MUC17: variants seen among roughly 807,000 people sequenced by gnomAD.
MUC17 encodes the protein mucin 17, cell surface associated.
Under a neutral mutation model 170.3 loss-of-function variants are expected in MUC17, and 190 were observed. That is an observed-to-expected ratio of 1.12 (90% CI 0.99 to 1.26). MUC17 has a LOEUF of 1.26. Ranked by LOEUF, MUC17 falls within the 50% of genes most tolerant of loss-of-function variation. MUC17 has a pLI of 0.00. For synonymous variants in MUC17, 2,325 were observed against 2,002.5 expected (o/e 1.16, Z -4.30); for missense variants, 6,415 against 5,530.0 (o/e 1.16, Z -5.08).
chr7:101,050,597 T>C lies in MUC17; in HGVS notation c.12836T>C (p.Val4279Ala). The change falls in exon 7 of 13, where the codon GTG becomes GCG. Residue 4279 changes from valine to alanine, a missense_variant. Transcript: ENST00000306151. ...GTAGTGAAAGAGAAAATCACAAAAGTGACCACACAGCAAATAATGATTAAT... is the reference window on the plus strand; with the variant it reads ...GTAGTGAAAGAGAAAATCACAAAAGCGACCACACAGCAAATAATGATTAAT... ...TEVVKEKITK[V>A]TTQQIMINDI... 6.2e-7 allele frequency: 1 copy of C among 1,614,090 alleles called. No individual in the cohort carries two copies. The highest frequency in any genetic ancestry group is 2.2e-5 in the East Asian group (1 of 44,878).
In MUC17 at chr7:101,051,812, G is replaced by C; in HGVS notation, c.12953G>C (p.Arg4318Pro). The change falls in exon 9 of 13, where the codon CGG becomes CCG. Residue 4318 changes from arginine to proline, a missense_variant. Physicochemically the swap from Arg to Pro is moderately radical, Grantham distance 103 (BLOSUM62 -2). Coordinates refer to ENST00000306151, the MANE Select transcript of MUC17 (RefSeq NM_001040105.2). ...CTGCACCCCCCACCAGAGGACTGCCGGAAGATGGCCAAGGAATATGGAGAC... is the reference window on the plus strand; with the variant it reads ...CTGCACCCCCCACCAGAGGACTGCCCGAAGATGGCCAAGGAATATGGAGAC... ...VTQYDPEEDC[R>P]KMAKEYGDYF... The C allele has an allele frequency of 6.2e-7, 1 of 1,613,450 alleles. No homozygotes were observed. Among genetic ancestry groups the C allele is most frequent in the Non-Finnish European group, 8.5e-7 (1 of 1,179,494 alleles).
rs774164429 is a variant in MUC17, at chr7:101,036,190, A to C, written c.4774A>C (p.Thr1592Pro). ...GCTGGTGGTCAGTTCTGAGGCTAAC[A>C]CCCTTTCAACAACCCCTATTGACTC... is the stretch of plus-strand genomic sequence containing the variant. ...TMLVVSSEAN[T>P]LSTTPIDSKT... Residue 1592 changes from threonine to proline, a missense_variant, in exon 3 of 13, where the codon ACC (threonine) becomes CCC (proline). Transcript: ENST00000306151. The C allele has an allele frequency of 1.2e-6, 2 of 1,613,782 alleles. No individual in the cohort carries two copies. Among genetic ancestry groups the C allele is most frequent in the Non-Finnish European group, 1.7e-6 (2 of 1,179,972 alleles).
At position 101,040,502 on chromosome 7, in the gene MUC17, CA is replaced by C. The variant is rs1419629517; in HGVS notation, c.9088del (p.Thr3030LeufsTer19). On this transcript the variant is annotated frameshift_variant, in exon 3 of 13. Transcript: ENST00000306151. LOFTEE classifies it high-confidence loss of function. ...TCTACTGAAGCCAGTTCCTCTCCTA[CA>C]ACTGCTGAAGGTACCGGCATACCAA... ...TTSTEASSSP[T>X]TAEGTGIPIS... 6.2e-7 allele frequency: 1 copy of C among 1,612,104 alleles called. No individual in the cohort carries two copies. Among genetic ancestry groups the C allele is most frequent in the East Asian group, 2.2e-5 (1 of 44,788 alleles).
Position 101,043,188 on chromosome 7 carries a change from A to G in MUC17, c.11772A>G (p.Ile3924Met). 3 of 1,614,050 alleles carry G rather than the reference A, an allele frequency of 1.9e-6. No individual in the cohort carries two copies. Among genetic ancestry groups the G allele is most frequent in the Non-Finnish European group, 2.5e-6 (3 of 1,179,988 alleles). ...STPTIPVATTISVSVITEGST... is the reference protein window; with the variant it reads ...STPTIPVATTMSVSVITEGST... ...CCACAATTCCTGTAGCCACCACCAT[A>G]TCTGTATCAGTGATCACAGAAGGAA... Residue 3924 changes from isoleucine to methionine, a missense_variant, in exon 3 of 13, where the codon ATA becomes ATG. Coordinates refer to ENST00000306151, the MANE Select transcript of MUC17 (RefSeq NM_001040105.2).
rs1336671086 is a variant in MUC17 at position 101,038,090 on chromosome 7, T to TG, written c.6675dup (p.Pro2226AlafsTer11). The stretch of plus-strand genomic sequence containing the variant: ...GAAGGAAGCACTCCATTCACAAGTA[T>TG]GCCTGTCAGCACCATGCCGGTAGTT... On this transcript the variant is annotated frameshift_variant, in exon 3 of 13. Transcript: ENST00000306151. LOFTEE classifies it high-confidence loss of function. 1 of 1,406,274 alleles carries TG rather than the reference T, an allele frequency of 7.1e-7. No homozygotes were observed. Among genetic ancestry groups the TG allele is most frequent in the Non-Finnish European group, 9.5e-7 (1 of 1,050,334 alleles). 87.1% of individuals were successfully genotyped at this position (1,406,274 alleles called of 1,614,324 possible).
At chr7:101,056,172 G>A in intron 11 of MUC17, 22 bp from the exon 12 acceptor site, 7 of 1,613,414 alleles carry the variant, frequency 4.3e-6, no homozygotes, top group Non-Finnish European at 5.9e-6. Context: ...TGTTTCCATG[G>A]TGCTTTCCAT....
rs547854685 is a variant in MUC17 at position 101,040,201 on chromosome 7, C to T, written c.8785C>T (p.Pro2929Ser). 15 of 1,612,480 alleles carry T rather than the reference C, an allele frequency of 9.3e-6. No individual in the cohort carries two copies. The highest frequency in any genetic ancestry group is 3.4e-5 in the Admixed American group (2 of 59,658). The change falls in exon 3 of 13, where the codon CCA (proline) becomes TCA (serine). Residue 2929 changes from proline (P) to serine (S), a missense_variant. By Grantham distance (74) the Pro-to-Ser change is moderately conservative. Transcript: ENST00000306151. ...PISTPSEVST[P>S]LTSILVSTVP... ...CTCAACTCCTAGTGAAGTAAGTACT[C>T]CATTAACAAGTATACTTGTCAGCAC...
rs142295738 is a variant in MUC17, at chr7:101,053,119, G to A, written c.13237G>A (p.Val4413Ile). 36 of 1,613,822 alleles carry A rather than the reference G, an allele frequency of 2.2e-5. No individual in the cohort carries two copies. In the African/African-American group the frequency reaches 3.1e-4, roughly 14 times the overall value. The change falls in exon 10 of 13, where the codon GTT becomes ATT. Residue 4413 changes from valine (V) to isoleucine (I), a missense_variant. Transcript: ENST00000306151. ...CATCCTGGTAGCTCTCCTGATGCTC[G>A]TTTTCCGCTCCAAGAGAGAGGTGAA... ...LIILVALLML[V>I]FRSKREVKRQ...
At chr7:101,055,480 C>A (rs1357063313) in intron 11 of MUC17, among the ~76,000 whole-genome samples, 5 of 152,126 alleles carry the variant, frequency 3.3e-5, no homozygotes. Context: ...CTGTTAGACA[C>A]AAGTTTAATT....
At position 101,043,831 on chromosome 7, in the gene MUC17, C is replaced by A. The variant is rs752710063; in HGVS notation, c.12403+12C>A. 3 of 1,572,908 alleles carry A rather than the reference C, an allele frequency of 1.9e-6. No individual in the cohort carries two copies. Among genetic ancestry groups the A allele is most frequent in the Admixed American group, 3.8e-5 (2 of 52,124 alleles). On this transcript the variant is annotated intron_variant, in intron 3 of 12. Coordinates refer to ENST00000306151, the MANE Select transcript of MUC17 (RefSeq NM_001040105.2). ...AAGAACCACAACATGTAAGTGATTT[C>A]TTGAATTTTCCTTTTTTTTAAAATT...
intron 1 of MUC17, among the ~76,000 whole-genome samples, chr7:101,024,934 A>G (rs1034220906): frequency 6.6e-6 from 1 of 150,838 alleles, no homozygotes; most frequent in African/African-American, 2.4e-5. Context: ...AGGCTGGCAC[A>G]CTCTGTCTTA....
chr7:101,057,923 T>C, intron 12 of MUC17, 80 bp from the exon 13 acceptor site: 1 of 1,217,680 alleles, frequency 8.2e-7, no homozygotes, highest in Non-Finnish European at 1.2e-6. Context: ...GAACACTTCC[T>C]ATCCCAATCC....
At chr7:101,020,954 G>A (rs1205282441) in intron 1 of MUC17, among the ~76,000 whole-genome samples, 7 of 152,238 alleles carry the variant, frequency 4.6e-5, no homozygotes, top group East Asian at 3.9e-4. Flanking sequence ...AGAGAAGGGC[G>A]CAGGGGAACC....
chr7:101,033,853 G>T lies in MUC17; in HGVS notation c.2437G>T (p.Val813Phe), dbSNP rs1464519686. 6 of 1,613,400 alleles carry T rather than the reference G, an allele frequency of 3.7e-6. No homozygotes were observed. The highest frequency in any genetic ancestry group is 5.1e-6 in the Non-Finnish European group (6 of 1,179,894). Residue 813 changes from valine (V) to phenylalanine (F), a missense_variant, in exon 3 of 13, where the codon GTC becomes TTC. By Grantham distance (50) the Val-to-Phe change is conservative. Coordinates refer to ENST00000306151, the MANE Select transcript of MUC17 (RefSeq NM_001040105.2). ...EGSPLLTSIP[V>F]SITPVTSPEA... is the part of the protein sequence containing the mutation. ...AAGTCCTTTATTAACAAGTATACCT[G>T]TCAGCATCACACCGGTGACCAGTCC... is the stretch of plus-strand genomic sequence containing the variant.
At position 101,041,592 on chromosome 7, in the gene MUC17, A is replaced by G; in HGVS notation, c.10176A>G (p.Ser3392=). The part of the protein sequence containing the change: ...TTAEGTSIPT[S]SPSEGTTPLA... ...CTGAAGGTACCAGCATACCAACCTC[A>G]AGTCCTAGTGAAGGAACCACTCCAT... The change falls in exon 3 of 13, where the codon TCA becomes TCG. Residue 3392 remains serine (S), a synonymous_variant. Transcript: ENST00000306151. The G allele has an allele frequency of 6.2e-7, 1 of 1,611,904 alleles. No individual in the cohort carries two copies.
chr7:101,020,251 C>T (rs1248884137), intron 1 of MUC17, 34 bp downstream of exon 1: 5 of 1,568,858 alleles, frequency 3.2e-6, no homozygotes, highest in African/African-American at 2.7e-5. Flanking sequence ...GCCCAAGAGG[C>T]CCCCATCCCA....
In MUC17 at chr7:101,035,406, A is replaced by T. The variant is rs760848150; in HGVS notation, c.3990A>T (p.Ser1330=). ...TPAEGTSMPT[S]TYSEGRTPLT... ...CTGAAGGTACCAGCATGCCAACCTC[A>T]ACTTATAGTGAAGGAAGAACTCCTT... is the stretch of plus-strand genomic sequence containing the variant. Residue 1330 remains serine (S), a synonymous_variant, in exon 3 of 13, where the codon TCA becomes TCT. Coordinates refer to ENST00000306151, the MANE Select transcript of MUC17 (RefSeq NM_001040105.2). 1.9e-6 allele frequency: 3 copies of T among 1,606,856 alleles called. No individual in the cohort carries two copies. Among genetic ancestry groups the T allele is most frequent in the Non-Finnish European group, 2.6e-6 (3 of 1,175,362 alleles).
intron 6 of MUC17, 147 bp downstream of exon 6, chr7:101,049,529 A>G: frequency 8.7e-7 from 1 of 1,142,922 alleles, no homozygotes; most frequent in South Asian, 1.6e-5. Context: ...AACAACAGAA[A>G]TCTATTTCTC....
Position 101,037,484 on chromosome 7 carries a change from G to A in MUC17, c.6068G>A (p.Ser2023Asn). ...STPATTSTEG[S>N]SSPTTAGGTS... Reference sequence around the variant, plus strand: ...CCTGCCACCACTTCTACTGAAGGCAGTTCATCTCCTACAACTGCAGGAGGT... The same window carrying A: ...CCTGCCACCACTTCTACTGAAGGCAATTCATCTCCTACAACTGCAGGAGGT... The change falls in exon 3 of 13, where the codon AGT becomes AAT. Residue 2023 changes from serine (S) to asparagine (N), a missense_variant. By Grantham distance (46) the Ser-to-Asn change is conservative. Transcript: ENST00000306151. 6.2e-7 allele frequency: 1 copy of A among 1,612,916 alleles called. No individual in the cohort carries two copies. Among genetic ancestry groups the A allele is most frequent in the Admixed American group, 1.7e-5 (1 of 59,982 alleles).
Sources: allele counts gnomAD v4.1 joint callset (sites outside exome capture counted in the v4.1 genomes callset), GRCh38; gene constraint gnomAD v4.1.1; transcripts MANE v1.5; gene names NCBI Gene and HGNC (gene_info 2026-07-23, HGNC 2026-07-21).